TNKS: variants seen among roughly 807,000 people sequenced by gnomAD.
The protein encoded by TNKS is poly [ADP-ribose] polymerase tankyrase-1.
TNKS carries 72 observed loss-of-function variants against 135.8 expected under a neutral mutation model. That is an observed-to-expected ratio of 0.53 (90% CI 0.44 to 0.64). TNKS has a LOEUF of 0.64. Ranked by LOEUF, TNKS falls within the 30% of genes least tolerant of loss-of-function variation. The probability of loss-of-function intolerance (pLI) is 0.00; values close to 1 mark genes in which losing one functional copy is unlikely to be tolerated. For synonymous variants in TNKS, 849 were observed against 649.3 expected, an observed-to-expected ratio of 1.31 and a Z score of -4.68; for missense variants, 1,769 against 1,674.0, an observed-to-expected ratio of 1.06 and a Z score of -0.99.
intron 6 of TNKS, among the ~76,000 whole-genome samples, chr8:9,705,461 A>T (rs1803998612): frequency 6.6e-6 from 1 of 152,220 alleles, no homozygotes. Context: ...TAAAGAAGAG[A>T]TGCCCTAGAG....
At chr8:9,638,346 T>C (rs1800594218) in intron 3 of TNKS, among the ~76,000 whole-genome samples, 1 of 152,270 alleles carries the variant, frequency 6.6e-6, no homozygotes, top group Admixed American at 6.5e-5. Context: ...TTCTCATTAG[T>C]TAAAGTATAC....
intron 25 of TNKS, among the ~76,000 whole-genome samples, chr8:9,769,814 T>A (rs1171362477): frequency 6.6e-6 from 1 of 151,554 alleles, no homozygotes; most frequent in Non-Finnish European, 1.5e-5. Context: ...AGAGACGAGG[T>A]TTTTACCGTG....
At chr8:9,632,853 C>A (rs569260758) in intron 3 of TNKS, among the ~76,000 whole-genome samples, 75 of 152,268 alleles carry the variant, frequency 4.9e-4, no homozygotes, top group Non-Finnish European at 8.5e-4. Context: ...CCTCAGCCTC[C>A]CGAGTAGCTG....
chr8:9,594,126 G>T lies in TNKS; in HGVS notation c.898+13743G>T, dbSNP rs189536143. On this transcript the variant is annotated intron_variant, in intron 2 of 26. Coordinates refer to ENST00000310430, the MANE Select transcript of TNKS (RefSeq NM_003747.3). ...GGTCTCAGACTCCTGACCTCAGGCG[G>T]TCCACCTGCCTCGGCCTCCCAAAGT... Among the ~76,000 whole-genome samples the T allele has an allele frequency of 2.0e-5, 3 of 152,118 alleles. No homozygotes were observed. In the East Asian group the frequency reaches 5.8e-4, roughly 29 times the overall value.
chr8:9,726,329 A>G (rs1805161717), intron 12 of TNKS, among the ~76,000 whole-genome samples: 1 of 152,184 alleles, frequency 6.6e-6, no homozygotes, highest in African/African-American at 2.4e-5. Flanking sequence ...GGTTGAGGCT[A>G]CAGTGAACTG....
chr8:9,620,883 T>C (rs79968813), intron 3 of TNKS, among the ~76,000 whole-genome samples: 13,063 of 152,264 alleles, frequency 0.086, 592 homozygotes, highest in South Asian at 0.17. Context: ...GAAAGCATCA[T>C]AAGGGTTTGG....
At chr8:9,761,669 A>C (rs563314989) in intron 21 of TNKS, 33 bp downstream of exon 21, 1 of 1,579,400 alleles carries the variant, frequency 6.3e-7, no homozygotes, top group East Asian at 2.2e-5. Context: ...AAAATTTCAG[A>C]AATCAGTGGT....
chr8:9,771,593 GGAAA>G (rs557305162), intron 26 of TNKS, among the ~76,000 whole-genome samples: 94 of 128,054 alleles, frequency 7.3e-4, no homozygotes, highest in African/African-American at 2.4e-3. Flanking sequence ...GAAAGGGAGA[GGAAA>G]GAAAGAAGGG....
rs533790598 is a variant in TNKS, at chr8:9,595,943, C to G, written c.898+15560C>G. 4.4e-4 allele frequency among the ~76,000 whole-genome samples: 67 copies of G among 152,170 alleles called. 1 individual carries two copies. In the South Asian group the frequency reaches 0.013, roughly 30 times the overall value. ...CCTGAGCAATAAAGTGAGATCCTGT[C>G]TCTACAAAAAATTTAAAAATTAGCT... On this transcript the variant is annotated intron_variant, in intron 2 of 26. Transcript: ENST00000310430.
chr8:9,667,473 A>C (rs1802049816), intron 3 of TNKS, among the ~76,000 whole-genome samples: 1 of 152,238 alleles, frequency 6.6e-6, no homozygotes, highest in South Asian at 2.1e-4. Context: ...TCGCCTATTC[A>C]GGGATTGCCT....
intron 5 of TNKS, among the ~76,000 whole-genome samples, chr8:9,693,839 T>G (rs1340143139): frequency 6.6e-6 from 1 of 152,190 alleles, no homozygotes; most frequent in South Asian, 2.1e-4. Flanking sequence ...AATTTTCTCA[T>G]TCTGGACAGA....
intron 1 of TNKS, among the ~76,000 whole-genome samples, chr8:9,561,133 A>G (rs1797316791): frequency 6.6e-6 from 1 of 152,208 alleles, no homozygotes; most frequent in Non-Finnish European, 1.5e-5. Context: ...TCATCTTTTT[A>G]TTAAAGCATG....
At chr8:9,659,688 C>G (rs200564327) in intron 3 of TNKS, among the ~76,000 whole-genome samples, 8 of 152,024 alleles carry the variant, frequency 5.3e-5, no homozygotes, top group East Asian at 1.9e-4. Context: ...AGAGAAGCAA[C>G]AGCAAACACA....
At position 9,659,810 on chromosome 8, in the gene TNKS, G is replaced by T. The variant is rs916935409; in HGVS notation, c.995-20141G>T. On this transcript the variant is annotated intron_variant, in intron 3 of 26. Coordinates refer to ENST00000310430, the MANE Select transcript of TNKS (RefSeq NM_003747.3). ...AATGAATCCAGGAGCTGGTTTTTTG[G>T]AAAGATCAACAAAATTGATAAACCG... Among the ~76,000 whole-genome samples, 6 of 151,988 alleles carry T rather than the reference G, an allele frequency of 3.9e-5. No homozygotes were observed. The South Asian group carries it at 8.3e-4, about 21-fold the overall frequency.
intron 26 of TNKS, among the ~76,000 whole-genome samples, chr8:9,775,459 C>CTATATATATATATATATATATA (rs59789406): frequency 6.2e-5 from 5 of 80,616 alleles, no homozygotes; most frequent in Admixed American, 1.6e-4. Flanking sequence ...ATGAATGGTT[C>CTATATATATATATATATATATA]TATATATATA....
At chr8:9,638,696 G>C (rs915091263) in intron 3 of TNKS, among the ~76,000 whole-genome samples, 1 of 152,202 alleles carries the variant, frequency 6.6e-6, no homozygotes, top group Non-Finnish European at 1.5e-5. Context: ...TAACCAAAGA[G>C]TGGAAGTAAA....
chr8:9,690,137 C>G (rs536754276), intron 5 of TNKS, among the ~76,000 whole-genome samples: 1 of 152,246 alleles, frequency 6.6e-6, no homozygotes, highest in African/African-American at 2.4e-5. Flanking sequence ...CCTAATGTTG[C>G]ACCTTGAGAG....
In TNKS at chr8:9,685,389, T is replaced by G. The variant is rs183246611; in HGVS notation, c.1107+4589T>G. Among the ~76,000 whole-genome samples, 3 of 152,286 alleles carry G rather than the reference T, an allele frequency of 2.0e-5. No homozygotes were observed. In the East Asian group the frequency reaches 5.8e-4, roughly 29 times the overall value. ...CCTTTCCACAAGGCATTTGAGAGGA[T>G]TAAGTGAAATAATGTGGTCAGTATA... On this transcript the variant is annotated intron_variant, in intron 5 of 26. Transcript: ENST00000310430.
intron 2 of TNKS, among the ~76,000 whole-genome samples, chr8:9,587,732 C>T (rs192831976): frequency 5.3e-5 from 8 of 152,236 alleles, no homozygotes; most frequent in Admixed American, 3.9e-4. Context: ...ATGAGACTTA[C>T]GTCAGATTTA....
Sources: gnomAD v4.1 joint callset for allele counts (sites outside exome capture counted in the v4.1 genomes callset) on GRCh38, gnomAD v4.1.1 for gene constraint, MANE v1.5 for transcripts, NCBI Gene and HGNC (gene_info 2026-07-23, HGNC 2026-07-21) for gene names.